Variants in WDR49 observed in about 807,000 individuals in gnomAD.
WDR49 encodes the protein WD repeat domain 49.
Under a neutral mutation model 119.5 loss-of-function variants are expected in WDR49, and 107 were observed. The observed-to-expected ratio is 0.90, with a 90% CI of 0.77 to 1.05. The LOEUF (loss-of-function observed/expected upper bound fraction) is 1.05. Ranked by LOEUF, WDR49 falls within the 50% of genes least tolerant of loss-of-function variation. WDR49 has a pLI of 0.00. For synonymous variants in WDR49, 425 were observed against 418.8 expected (o/e 1.01, Z -0.18); for missense variants, 1,240 against 1,220.5 (o/e 1.02, Z -0.24).
At chr3:167,608,523 C>A (rs1220904230) in intron 5 of WDR49, among the ~76,000 whole-genome samples, 2 of 152,178 alleles carry the variant, frequency 1.3e-5, no homozygotes, top group African/African-American at 4.8e-5. Context: ...GGAGGCTCAA[C>A]AATTCACGCT....
intron 10 of WDR49, among the ~76,000 whole-genome samples, chr3:167,545,038 A>G (rs1307220629): frequency 6.6e-6 from 1 of 152,052 alleles, no homozygotes; most frequent in Non-Finnish European, 1.5e-5. Context: ...TAGTCAAAGG[A>G]CATAAATAGA....
At chr3:167,524,436 T>C (rs1752563281) in intron 15 of WDR49, among the ~76,000 whole-genome samples, 2 of 152,178 alleles carry the variant, frequency 1.3e-5, no homozygotes, top group Non-Finnish European at 2.9e-5. Flanking sequence ...AACTTCAGCT[T>C]TTGCTGCAAT....
intron 15 of WDR49, among the ~76,000 whole-genome samples, chr3:167,525,038 G>A (rs1366439896): frequency 1.3e-5 from 2 of 152,280 alleles, no homozygotes; most frequent in East Asian, 1.9e-4. Flanking sequence ...CTGTTCATGA[G>A]CATGGAGTGT....
At chr3:167,620,072 G>GA (rs1716794119) in intron 5 of WDR49, among the ~76,000 whole-genome samples, 1 of 152,130 alleles carries the variant, frequency 6.6e-6, no homozygotes, top group Non-Finnish European at 1.5e-5. Context: ...GGTTCTGAGG[G>GA]AACTTGTTAA....
intron 2 of WDR49, among the ~76,000 whole-genome samples, chr3:167,645,918 C>A (rs1219418668): frequency 6.6e-6 from 1 of 152,140 alleles, no homozygotes; most frequent in Non-Finnish European, 1.5e-5. Flanking sequence ...GAAGAGAAAA[C>A]AGGGTCATTG....
Position 167,478,936 on chromosome 3 carries a change from C to G in WDR49, c.3092G>C (p.Arg1031Pro). 1 of 1,609,360 alleles carries G rather than the reference C, an allele frequency of 6.2e-7. No individual in the cohort carries two copies. Residue 1031 changes from arginine (R) to proline (P), a missense_variant, in exon 19 of 19, where the codon CGA (arginine) becomes CCA (proline). By Grantham distance (103) the Arg-to-Pro change is moderately radical (BLOSUM62 -2). Transcript: ENST00000682715. ...TTCTTGGCATAATTGCTTGGCTTTT[C>G]GTTCATGATGCAGAATTTCCTTGGG... is the stretch of plus-strand genomic sequence containing the variant. ...LFPKEILHHE[R>P]KAKQLCQEKS... is the part of the protein sequence containing the mutation.
chr3:167,536,686 CATAT>C lies in WDR49; in HGVS notation c.1954+180_1954+183del, dbSNP rs368084455. Among the ~76,000 whole-genome samples the C allele has an allele frequency of 8.1e-3, 1,068 of 132,576 alleles. 9 individuals are homozygous for C. Among genetic ancestry groups the C allele is most frequent in the East Asian group, 0.032 (151 of 4,724 alleles). 87.0% of individuals were successfully genotyped at this position (132,576 alleles called of 152,430 possible). On this transcript the variant is annotated intron_variant, in intron 11 of 18. Coordinates refer to ENST00000682715, the MANE Select transcript of WDR49 (RefSeq NM_001366157.1). ...CAGAGTAAGACCCCATCTCAAAATA[CATAT>C]ATATATATATATATACACACACATA...
chr3:167,483,189 A>T (rs1344497611), intron 18 of WDR49, among the ~76,000 whole-genome samples: 1 of 152,226 alleles, frequency 6.6e-6, no homozygotes, highest in Non-Finnish European at 1.5e-5. Context: ...TTTGCCTAAT[A>T]CCAGCAGTAT....
At chr3:167,495,883 G>GAAAAAAAAAAAAA in intron 18 of WDR49, among the ~76,000 whole-genome samples, 7 of 71,226 alleles carry the variant, frequency 9.8e-5, no homozygotes, top group Admixed American at 2.0e-4. Context: ...TTAAAAATTT[G>GAAAAAAAAAAAAA]AAAAAAAAAA....
upstream of WDR49, among the ~76,000 whole-genome samples, chr3:167,654,219 A>C (rs1373421664): frequency 6.6e-6 from 1 of 152,190 alleles, no homozygotes; most frequent in African/African-American, 2.4e-5. Context: ...TTAGTCAAAG[A>C]GAAAAGCATG....
At chr3:167,618,273 T>C (rs1188551167) in intron 5 of WDR49, among the ~76,000 whole-genome samples, 1 of 152,200 alleles carries the variant, frequency 6.6e-6, no homozygotes, top group Non-Finnish European at 1.5e-5. Flanking sequence ...CACTGAACAA[T>C]GTTCTAATAA....
intron 10 of WDR49, among the ~76,000 whole-genome samples, chr3:167,551,274 T>C (rs1470062979): frequency 6.6e-6 from 1 of 151,968 alleles, no homozygotes; most frequent in Non-Finnish European, 1.5e-5. Context: ...ACATTCAGTA[T>C]ACTGTAGTTT....
intron 18 of WDR49, among the ~76,000 whole-genome samples, chr3:167,489,899 T>G (rs942864642): frequency 4.6e-5 from 7 of 152,128 alleles, no homozygotes; most frequent in African/African-American, 1.7e-4. Context: ...AAATTCTTAT[T>G]TATCAAACTT....
At chr3:167,544,236 A>G (rs1712022845) in intron 10 of WDR49, among the ~76,000 whole-genome samples, 1 of 151,986 alleles carries the variant, frequency 6.6e-6, no homozygotes. Flanking sequence ...AAATGATCTT[A>G]CTTTCAAAAG....
chr3:167,630,947 G>C (rs913752422), intron 2 of WDR49, among the ~76,000 whole-genome samples: 2 of 152,030 alleles, frequency 1.3e-5, no homozygotes, highest in Non-Finnish European at 2.9e-5. Flanking sequence ...AGCCTTCTTA[G>C]GCTTAGGAAC....
At chr3:167,497,296 C>T (rs1751390967) in intron 18 of WDR49, among the ~76,000 whole-genome samples, 1 of 150,836 alleles carries the variant, frequency 6.6e-6, no homozygotes, top group Non-Finnish European at 1.5e-5. Flanking sequence ...GCAGAAAGGG[C>T]AAGTAAGAGG....
At chr3:167,502,361 G>C (rs553135073) in intron 17 of WDR49, among the ~76,000 whole-genome samples, 1 of 152,190 alleles carries the variant, frequency 6.6e-6, no homozygotes, top group Non-Finnish European at 1.5e-5. Flanking sequence ...GCCTGACACA[G>C]AAAATTGGTA....
At chr3:167,571,816 AG>A (rs1264891658) in intron 8 of WDR49, among the ~76,000 whole-genome samples, 6 of 152,206 alleles carry the variant, frequency 3.9e-5, no homozygotes, top group African/African-American at 1.4e-4. Flanking sequence ...TACCAAAAAA[AG>A]TTATTTTGAT....
intron 10 of WDR49, among the ~76,000 whole-genome samples, chr3:167,544,892 C>T (rs1712083072): frequency 6.6e-6 from 1 of 151,950 alleles, no homozygotes; most frequent in African/African-American, 2.4e-5. Context: ...ACATTATCAG[C>T]AGAGTAAACA....
Sources: allele counts gnomAD v4.1 joint callset (sites outside exome capture counted in the v4.1 genomes callset), GRCh38; gene constraint gnomAD v4.1.1; transcripts MANE v1.5; gene names NCBI Gene and HGNC (gene_info 2026-07-23, HGNC 2026-07-21).